The following CSMD2 variants were observed in gnomAD, a reference collection of about 807,000 sequenced individuals.
CSMD2 encodes CUB and Sushi multiple domains 2.
A neutral mutation model predicts 398.5 loss-of-function variants in CSMD2; 130 were observed. That is an observed-to-expected ratio of 0.33 (90% CI 0.28 to 0.38). The LOEUF (loss-of-function observed/expected upper bound fraction) is 0.38. Ranked by LOEUF, CSMD2 falls within the 10% of genes least tolerant of loss-of-function variation. CSMD2 has a pLI of 1.00. For synonymous variants in CSMD2, 1,828 were observed against 1,908.5 expected, an observed-to-expected ratio of 0.96 and a Z score of 1.10; for missense variants, 3,829 against 4,764.9, an observed-to-expected ratio of 0.80 and a Z score of 5.78.
At chr1:33,909,578 G>T (rs912960529) in intron 5 of CSMD2, among the ~76,000 whole-genome samples, 5 of 152,012 alleles carry the variant, frequency 3.3e-5, no homozygotes, top group Admixed American at 6.6e-5. Context: ...GCAGGAGAAG[G>T]GCCTGAGTAG....
chr1:33,956,341 C>T (rs1645167374), intron 3 of CSMD2, among the ~76,000 whole-genome samples: 1 of 152,164 alleles, frequency 6.6e-6, no homozygotes, highest in African/African-American at 2.4e-5. Context: ...CTCCCAGGCC[C>T]TGGCAACCAC....
At chr1:33,965,922 T>G (rs996443633) in intron 3 of CSMD2, among the ~76,000 whole-genome samples, 1 of 152,144 alleles carries the variant, frequency 6.6e-6, no homozygotes, top group Non-Finnish European at 1.5e-5. Flanking sequence ...GAGTCCCTTC[T>G]CAGGGAATCA....
At chr1:33,687,958 A>G (rs1254671782) in intron 25 of CSMD2, among the ~76,000 whole-genome samples, 2 of 152,242 alleles carry the variant, frequency 1.3e-5, no homozygotes, top group African/African-American at 4.8e-5. Flanking sequence ...GAAGACTGAA[A>G]GTATTGACAA....
At chr1:33,634,918 C>G (rs1417226734) in intron 31 of CSMD2, among the ~76,000 whole-genome samples, 5 of 152,118 alleles carry the variant, frequency 3.3e-5, no homozygotes, top group Non-Finnish European at 5.9e-5. Flanking sequence ...GGACTTGGGC[C>G]ATACTGGGTA....
chr1:33,579,878 T>C (rs1009416580), intron 48 of CSMD2, among the ~76,000 whole-genome samples: 6 of 152,040 alleles, frequency 3.9e-5, no homozygotes. Context: ...GGGGTTTCAC[T>C]ATGTTGGTCA....
At chr1:33,708,327 ATACACAATGCACAAGT>A (rs904246641) in intron 22 of CSMD2, among the ~76,000 whole-genome samples, 1 of 152,170 alleles carries the variant, frequency 6.6e-6, no homozygotes, top group African/African-American at 2.4e-5. Flanking sequence ...CAACCAAAAC[ATACACAATGCACAAGT>A]GCACATACAC....
chr1:33,652,482 G>C (rs1643813018), intron 27 of CSMD2, 21 bp from the exon 28 acceptor site: 2 of 1,611,406 alleles, frequency 1.2e-6, no homozygotes, highest in Non-Finnish European at 1.7e-6. Context: ...AAGAAGACGA[G>C]GGTGAGGCTG....
At position 33,819,851 on chromosome 1, in the gene CSMD2, T is replaced by A. The variant is rs781728638; in HGVS notation, c.1200-14A>T. The A allele has an allele frequency of 1.2e-5, 19 of 1,613,688 alleles. No homozygotes were observed. Among genetic ancestry groups the A allele is most frequent in the Non-Finnish European group, 1.6e-5 (19 of 1,179,850 alleles). On this transcript the variant is annotated splice_polypyrimidine_tract_variant and intron_variant, in intron 8 of 70. Transcript: ENST00000373381. ...CTGGATCCTAACCTGGGAGACAAAG[T>A]GTGTCTGTGAGCTCCATCCCTGGGC...
At position 34,029,215 on chromosome 1, in the gene CSMD2, AC is replaced by A. The variant is rs776786030; in HGVS notation, c.517+3378del. 1.8e-4 allele frequency among the ~76,000 whole-genome samples: 28 copies of A among 152,212 alleles called. 1 individual carries two copies. Among genetic ancestry groups the A allele is most frequent in the South Asian group, 8.3e-4 (4 of 4,808 alleles). The stretch of plus-strand genomic sequence containing the variant: ...CTGTCTGTCATTCTCCCTGCTTGCC[AC>A]CCAGCACAAATGTCCAAGGGGACTC... On this transcript the variant is annotated intron_variant, in intron 3 of 70. Transcript: ENST00000373381.
At chr1:33,824,556 C>T (rs576135597) in intron 7 of CSMD2, among the ~76,000 whole-genome samples, 42 of 152,282 alleles carry the variant, frequency 2.8e-4, no homozygotes, top group African/African-American at 8.9e-4. Flanking sequence ...GATGTTCTCC[C>T]GGCCACACAC....
intron 3 of CSMD2, among the ~76,000 whole-genome samples, chr1:33,945,070 A>G (rs1644799808): frequency 6.6e-6 from 1 of 152,118 alleles, no homozygotes; most frequent in South Asian, 2.1e-4. Context: ...GGGGCCACAG[A>G]GAGGCTGTCA....
intron 4 of CSMD2, among the ~76,000 whole-genome samples, chr1:33,922,775 G>C (rs2125296665): frequency 6.6e-6 from 1 of 152,172 alleles, no homozygotes; most frequent in South Asian, 2.1e-4. Context: ...CTAGGTGGCT[G>C]TCAATCCTGT....
At chr1:33,831,263 A>G (rs1659518273) in intron 6 of CSMD2, among the ~76,000 whole-genome samples, 1 of 152,152 alleles carries the variant, frequency 6.6e-6, no homozygotes. Flanking sequence ...GCCAGAGAGA[A>G]AGGTTAGGTT....
rs1571320659 is a variant in CSMD2 at position 34,164,882 on chromosome 1, C to T, written c.187+29G>A. The stretch of plus-strand genomic sequence containing the variant: ...GGGCTCGGGTGGGGCGCGCGGCGGC[C>T]GCTGGCTCCTCGGCGCGGCTGGACT... On this transcript the variant is annotated intron_variant, in intron 1 of 70. Transcript: ENST00000373381. This position sits in a 1 kb window ranked among gnomAD's most constrained non-coding sequence, Gnocchi z 6.2. 8.2e-7 allele frequency: 1 copy of T among 1,217,886 alleles called. No individual in the cohort carries two copies. The highest frequency in any genetic ancestry group is 3.3e-5 in the East Asian group (1 of 30,592). 75.4% of individuals were successfully genotyped at this position (1,217,886 alleles called of 1,614,324 possible).
intron 44 of CSMD2, among the ~76,000 whole-genome samples, chr1:33,596,761 T>C (rs761490734): frequency 1.2e-4 from 18 of 152,132 alleles, no homozygotes; most frequent in Admixed American, 4.6e-4. Flanking sequence ...GTCCCTCCCA[T>C]GACATATGGG....
At chr1:33,685,475 T>G (rs1397544824) in intron 25 of CSMD2, among the ~76,000 whole-genome samples, 1 of 152,248 alleles carries the variant, frequency 6.6e-6, no homozygotes, top group African/African-American at 2.4e-5. Flanking sequence ...AGTTTTTAAA[T>G]TGAACTGAAT....
intron 65 of CSMD2, among the ~76,000 whole-genome samples, chr1:33,526,724 G>C (rs1405744849): frequency 6.6e-6 from 1 of 152,246 alleles, no homozygotes; most frequent in African/African-American, 2.4e-5. Context: ...GTAAATAAAA[G>C]TAGAAGGTTC....
chr1:34,039,514 T>C (rs2625684), intron 2 of CSMD2, among the ~76,000 whole-genome samples: 105,765 of 152,142 alleles, frequency 0.7, 37,070 homozygotes, highest in East Asian at 0.8. Context: ...GTTACTACCA[T>C]TCAGGTATGG....
At chr1:34,165,804 T>A, upstream of CSMD2, 3 of 1,613,486 alleles carry the variant, frequency 1.9e-6, no homozygotes, top group Non-Finnish European at 2.5e-6. Flanking sequence ...GCGATGCTTA[T>A]GAGCCTCATT....
Sources: allele counts gnomAD v4.1 joint callset (sites outside exome capture counted in the v4.1 genomes callset), GRCh38; gene constraint gnomAD v4.1.1; non-coding constraint Gnocchi (gnomAD v3.1); transcripts MANE v1.5; gene names NCBI Gene and HGNC (gene_info 2026-07-23, HGNC 2026-07-21).